ANKRD44: variants seen among roughly 807,000 people sequenced by gnomAD.
ANKRD44 encodes ankyrin repeat domain 44, also known as serine/threonine-protein phosphatase 6 regulatory ankyrin repeat subunit B.
In ANKRD44, 35 loss-of-function variants were observed where a neutral mutation model predicts 116.0. The observed-to-expected ratio is 0.30, with a 90% CI of 0.23 to 0.40. The LOEUF is 0.40. ANKRD44 is among the 10% of genes least tolerant of loss of function. The pLI is 1.00. For missense variants in ANKRD44, 1,014 were observed against 1,242.6 expected, an observed-to-expected ratio of 0.82 and a Z score of 2.77; for synonymous variants, 435 against 461.8, an observed-to-expected ratio of 0.94 and a Z score of 0.74.
Position 197,310,649 on chromosome 2 carries a change from C to T in ANKRD44, c.-45G>A. 7.5e-7 allele frequency: 1 copy of T among 1,336,672 alleles called. No homozygotes were observed. The highest frequency in any genetic ancestry group is 1.5e-5 in the South Asian group (1 of 68,936). 82.8% of individuals were successfully genotyped at this position (1,336,672 alleles called of 1,614,324 possible). A position where few individuals can be genotyped will look rare whatever the true frequency, so the allele number is the denominator to read the frequency against. ...CACACACATGCAGGTCCCCGGCCCGCAGATGTCACGCCGGGAGCCGGGGAA... is the reference window on the plus strand; with the variant it reads ...CACACACATGCAGGTCCCCGGCCCGTAGATGTCACGCCGGGAGCCGGGGAA... On this transcript the variant is annotated 5_prime_UTR_variant, in exon 1 of 28. Coordinates refer to ENST00000282272, the MANE Select transcript of ANKRD44 (RefSeq NM_001195144.2).
chr2:197,113,554 T>C (rs1398415864), intron 8 of ANKRD44, among the ~76,000 whole-genome samples: 1 of 152,200 alleles, frequency 6.6e-6, no homozygotes, highest in Non-Finnish European at 1.5e-5. Context: ...TCCATGTCTA[T>C]AAAAGAGCTT....
chr2:197,093,164 A>G (rs557478587), intron 10 of ANKRD44, among the ~76,000 whole-genome samples: 3 of 152,038 alleles, frequency 2.0e-5, no homozygotes, highest in African/African-American at 7.2e-5. Context: ...ATATATACAC[A>G]TAATATATAT....
intron 4 of ANKRD44, 118 bp downstream of exon 4, chr2:197,136,474 C>A (rs2079218796): frequency 3.3e-6 from 3 of 900,818 alleles, no homozygotes; most frequent in South Asian, 2.9e-5. Flanking sequence ...TTTTGGGTAA[C>A]CCTCTTACAT....
At chr2:197,088,998 T>G (rs1207863234) in intron 11 of ANKRD44, 1 of 425,144 alleles carries the variant, frequency 2.4e-6, no homozygotes, top group Non-Finnish European at 4.2e-6. Flanking sequence ...TATTTTCACA[T>G]TCAGCCCTGG....
At chr2:197,119,320 G>A (rs1224969938) in intron 8 of ANKRD44, among the ~76,000 whole-genome samples, 1 of 152,050 alleles carries the variant, frequency 6.6e-6, no homozygotes, top group African/African-American at 2.4e-5. Context: ...AGAGGCCCAA[G>A]CTCCTTGGGC....
intron 3 of ANKRD44, among the ~76,000 whole-genome samples, chr2:197,138,068 A>G (rs2079262824): frequency 1.3e-5 from 2 of 152,190 alleles, no homozygotes; most frequent in East Asian, 1.9e-4. Context: ...TGCTGGCCCA[A>G]TGACCAAGAG....
chr2:197,249,368 T>C (rs1190113434), intron 1 of ANKRD44, among the ~76,000 whole-genome samples: 1 of 152,216 alleles, frequency 6.6e-6, no homozygotes, highest in African/African-American at 2.4e-5. Flanking sequence ...CTAAACCTTC[T>C]TGAAATAGGG....
intron 2 of ANKRD44, among the ~76,000 whole-genome samples, chr2:197,182,462 A>G (rs1342264683): frequency 6.6e-6 from 1 of 152,242 alleles, no homozygotes; most frequent in Non-Finnish European, 1.5e-5. Context: ...CCTCATTGGG[A>G]GAAATGAACT....
At chr2:197,260,812 T>A (rs1327668630) in intron 1 of ANKRD44, among the ~76,000 whole-genome samples, 1 of 137,164 alleles carries the variant, frequency 7.3e-6, no homozygotes, top group East Asian at 2.1e-4. Context: ...GTGGTTTTGA[T>A]TTGCATTTCT....
intron 20 of ANKRD44, 74 bp from the exon 21 acceptor site, chr2:197,005,984 C>T (rs2076194758): frequency 2.8e-6 from 4 of 1,434,654 alleles, no homozygotes; most frequent in Non-Finnish European, 3.9e-6. Flanking sequence ...CTAAGTGAGG[C>T]TGGGCTTAGA....
At chr2:197,081,535 C>T in intron 15 of ANKRD44, 110 bp downstream of exon 15, 1 of 912,650 alleles carries the variant, frequency 1.1e-6, no homozygotes, top group South Asian at 1.4e-5. Flanking sequence ...ATCACTTCCT[C>T]AAGATCCCAA....
chr2:197,260,554 T>C (rs916993860), intron 1 of ANKRD44, among the ~76,000 whole-genome samples: 1 of 152,106 alleles, frequency 6.6e-6, no homozygotes, highest in African/African-American at 2.4e-5. Context: ...CGTGTGCATG[T>C]GTCTTTATAG....
chr2:197,260,496 G>T (rs1236675736), intron 1 of ANKRD44, among the ~76,000 whole-genome samples: 6 of 152,222 alleles, frequency 3.9e-5, no homozygotes, highest in African/African-American at 1.4e-4. Context: ...TGGACATTTA[G>T]GTTGGTTCCA....
chr2:197,224,029 T>C (rs1024365410), intron 1 of ANKRD44, among the ~76,000 whole-genome samples: 1 of 152,202 alleles, frequency 6.6e-6, no homozygotes, highest in African/African-American at 2.4e-5. Flanking sequence ...GAAATTTCCA[T>C]CTGTATTTAT....
intron 1 of ANKRD44, among the ~76,000 whole-genome samples, chr2:197,227,102 A>C (rs527813931): frequency 1.3e-5 from 2 of 152,254 alleles, no homozygotes; most frequent in East Asian, 3.9e-4. Context: ...TTCTCAATCT[A>C]TATTAATGGT....
intron 16 of ANKRD44, among the ~76,000 whole-genome samples, chr2:197,059,193 TA>T (rs1243436498): frequency 6.6e-6 from 1 of 152,118 alleles, no homozygotes; most frequent in Non-Finnish European, 1.5e-5. Context: ...ATGGGAATGA[TA>T]AAAATTGCTT....
intron 1 of ANKRD44, among the ~76,000 whole-genome samples, chr2:197,199,521 GC>G: frequency 6.6e-6 from 1 of 152,180 alleles, no homozygotes; most frequent in Non-Finnish European, 1.5e-5. Context: ...AATGTGAACA[GC>G]CCGTGTTCTT....
intron 3 of ANKRD44, among the ~76,000 whole-genome samples, chr2:197,142,565 G>C (rs529066662): frequency 6.6e-6 from 1 of 152,180 alleles, no homozygotes; most frequent in Non-Finnish European, 1.5e-5. Context: ...ACTCTCCTTG[G>C]AGTTGCCTTT....
intron 1 of ANKRD44, among the ~76,000 whole-genome samples, chr2:197,228,767 G>A (rs1177212314): frequency 6.6e-6 from 1 of 152,240 alleles, no homozygotes; most frequent in Non-Finnish European, 1.5e-5. Context: ...CTGGCGCGGA[G>A]GCTCACGCCT....
Sources: gnomAD v4.1 joint callset for allele counts (sites outside exome capture counted in the v4.1 genomes callset) on GRCh38, gnomAD v4.1.1 for gene constraint, MANE v1.5 for transcripts, NCBI Gene and HGNC (gene_info 2026-07-23, HGNC 2026-07-21) for gene names.